The following CREB1 variants were observed in gnomAD, a reference collection of about 807,000 sequenced individuals.
CREB1 encodes cyclic AMP-responsive element-binding protein 1.
Under a neutral mutation model 42.0 loss-of-function variants are expected in CREB1, and 2 were observed. That is an observed-to-expected ratio of 0.05 (90% CI 0.02 to 0.15). CREB1 has a LOEUF of 0.15. CREB1 is among the 10% of genes least tolerant of loss of function. CREB1 has a pLI of 1.00. For synonymous variants in CREB1, 123 were observed against 139.9 expected, an observed-to-expected ratio of 0.88 and a Z score of 0.85; for missense variants, 199 against 388.9, an observed-to-expected ratio of 0.51 and a Z score of 4.11.
intron 1 of CREB1, among the ~76,000 whole-genome samples, chr2:207,538,403 AAAAT>A (rs1272455988): frequency 6.6e-6 from 1 of 152,164 alleles, no homozygotes; most frequent in Non-Finnish European, 1.5e-5. Context: ...CCTAAAAAAG[AAAAT>A]AAACAGTAGT....
chr2:207,587,591 A>G (rs1005179255), intron 7 of CREB1, among the ~76,000 whole-genome samples: 7 of 152,160 alleles, frequency 4.6e-5, no homozygotes, highest in African/African-American at 1.4e-4. Flanking sequence ...ATATATACAC[A>G]GTGGTATACT....
intron 1 of CREB1, among the ~76,000 whole-genome samples, chr2:207,531,129 AATC>A (rs2106316017): frequency 6.6e-6 from 1 of 152,328 alleles, no homozygotes; most frequent in South Asian, 2.1e-4. Context: ...TTAATAAGGT[AATC>A]ATCACTTGAG....
At chr2:207,548,479 G>T (rs532468530) in intron 1 of CREB1, among the ~76,000 whole-genome samples, 2 of 152,020 alleles carry the variant, frequency 1.3e-5, no homozygotes, top group African/African-American at 4.8e-5. Context: ...GGCCAGGCCC[G>T]GTGGCTCACA....
chr2:207,549,969 CAAA>C (rs879282723), intron 1 of CREB1, among the ~76,000 whole-genome samples: 1 of 112,442 alleles, frequency 8.9e-6, no homozygotes. Context: ...GACTCCATCT[CAAA>C]AAAAAAAAAA....
intron 1 of CREB1, among the ~76,000 whole-genome samples, chr2:207,539,817 GT>G (rs1212525393): frequency 7.2e-5 from 11 of 152,146 alleles, no homozygotes; most frequent in Admixed American, 2.0e-4. Context: ...ATAAAATGGA[GT>G]GTATTCTAGG....
chr2:207,589,427 A>G (rs2709393), intron 7 of CREB1, among the ~76,000 whole-genome samples: 135,003 of 152,124 alleles, frequency 0.89, 61,211 homozygotes, highest in East Asian at 1. Context: ...GGCCCACTCA[A>G]GTAACCCAAG....
rs2087795127 is a variant in CREB1 at position 207,604,774 on chromosome 2, A to C, written c.*7716A>C. On this transcript the variant is annotated 3_prime_UTR_variant, in exon 8 of 8. Transcript: ENST00000353267. ...ACCGCCCTTGTCCCTGGCAACCACC[A>C]ATCTGCTTCCTGTTTCTTTGGATTT... 6.6e-6 allele frequency among the ~76,000 whole-genome samples: 1 copy of C among 152,070 alleles called. No individual in the cohort carries two copies. Among genetic ancestry groups the C allele is most frequent in the Admixed American group, 6.6e-5 (1 of 15,266 alleles).
At chr2:207,567,247 T>C (rs1220261433) in intron 3 of CREB1, among the ~76,000 whole-genome samples, 1 of 151,982 alleles carries the variant, frequency 6.6e-6, no homozygotes, top group Non-Finnish European at 1.5e-5. Flanking sequence ...GAAAAAAAAA[T>C]TAAACTGCAG....
intron 3 of CREB1, among the ~76,000 whole-genome samples, chr2:207,566,624 A>G (rs887220598): frequency 1.3e-5 from 2 of 152,210 alleles, no homozygotes; most frequent in Non-Finnish European, 2.9e-5. Flanking sequence ...ATGGAGGTTA[A>G]TGACAGTGGC....
rs1433652364 is a variant in CREB1, at chr2:207,603,433, G to GT, written c.*6376dup. 8.9e-6 allele frequency: 2 copies of GT among 224,388 alleles called. No individual in the cohort carries two copies. Among genetic ancestry groups the GT allele is most frequent in the African/African-American group, 4.5e-5 (2 of 44,734 alleles). The allele number at this position is 224,388 out of a possible 1,614,324, so 13.9% of individuals were successfully genotyped here. A position where few individuals can be genotyped will look rare whatever the true frequency, so the allele number is the denominator to read the frequency against. ...ACATAAACATGCTTTTAAAAACTCT[G>GT]TAAGTCTCTTTTTTGGGGATGGGAT... On this transcript the variant is annotated 3_prime_UTR_variant, in exon 8 of 8. Transcript: ENST00000353267.
chr2:207,575,236 A>G (rs1206854513), intron 5 of CREB1, 36 bp from the exon 6 acceptor site: 1 of 1,594,872 alleles, frequency 6.3e-7, no homozygotes, highest in Admixed American at 1.7e-5. Flanking sequence ...CTTATATGGT[A>G]TTAAACTTGT....
intron 1 of CREB1, among the ~76,000 whole-genome samples, chr2:207,534,882 CT>C (rs1235691323): frequency 6.6e-6 from 1 of 152,280 alleles, no homozygotes; most frequent in South Asian, 2.1e-4. Context: ...CAGTCTCCCC[CT>C]TTTTGTACAA....
chr2:207,572,172 G>A (rs1392810290), intron 5 of CREB1, among the ~76,000 whole-genome samples: 2 of 148,776 alleles, frequency 1.3e-5, no homozygotes, highest in Non-Finnish European at 3.0e-5. Context: ...CTGGCAGTGA[G>A]CTGAGATCAC....
At chr2:207,596,725 G>A (rs1375784578) in intron 7 of CREB1, among the ~76,000 whole-genome samples, 189 bp from the exon 8 acceptor site, 2 of 152,232 alleles carry the variant, frequency 1.3e-5, no homozygotes, top group East Asian at 3.9e-4. Context: ...GAGCCGCCAC[G>A]CCTGGCCAGA....
At chr2:207,575,131 G>T in intron 5 of CREB1, 141 bp from the exon 6 acceptor site, 1 of 746,694 alleles carries the variant, frequency 1.3e-6, no homozygotes. Context: ...CAAGTTACTT[G>T]AATATATTAG....
chr2:207,573,693 A>G (rs1279655882), intron 5 of CREB1, among the ~76,000 whole-genome samples: 1 of 152,244 alleles, frequency 6.6e-6, no homozygotes, highest in African/African-American at 2.4e-5. Context: ...TGATCTTGCC[A>G]CTGCACTCCA....
chr2:207,563,579 A>G (rs1355883397), intron 3 of CREB1, among the ~76,000 whole-genome samples: 3 of 152,304 alleles, frequency 2.0e-5, no homozygotes, highest in East Asian at 1.9e-4. Context: ...TTCTTTTTCA[A>G]TGCCAGCAGT....
At chr2:207,549,219 T>C (rs1435659600) in intron 1 of CREB1, among the ~76,000 whole-genome samples, 3 of 152,214 alleles carry the variant, frequency 2.0e-5, no homozygotes, top group African/African-American at 7.2e-5. Context: ...TATACATACA[T>C]GTATATGCAT....
At chr2:207,553,135 G>A (rs534598008) in intron 1 of CREB1, among the ~76,000 whole-genome samples, 1 of 131,772 alleles carries the variant, frequency 7.6e-6, no homozygotes, top group South Asian at 2.4e-4. Context: ...GTGGCACCAT[G>A]TTGGCTCACT....
Sources: allele counts gnomAD v4.1 joint callset (sites outside exome capture counted in the v4.1 genomes callset), GRCh38; gene constraint gnomAD v4.1.1; transcripts MANE v1.5; gene names NCBI Gene and HGNC (gene_info 2026-07-23, HGNC 2026-07-21).